Variants in C14orf93 observed in about 807,000 individuals in gnomAD.
The protein encoded by C14orf93 is chromosome 14 open reading frame 93.
C14orf93 carries 23 observed loss-of-function variants against 44.0 expected under a neutral mutation model. The observed-to-expected ratio is 0.52, with a 90% CI of 0.38 to 0.74. C14orf93 has a LOEUF of 0.74. C14orf93 is among the 30% of genes least tolerant of loss of function. C14orf93 has a pLI of 0.00. For synonymous variants in C14orf93, 253 were observed against 265.7 expected (o/e 0.95, Z 0.46); for missense variants, 579 against 678.9 (o/e 0.85, Z 1.64).
At chr14:23,007,341 C>A (rs1160107847) in intron 1 of C14orf93, among the ~76,000 whole-genome samples, 2 of 152,232 alleles carry the variant, frequency 1.3e-5, no homozygotes, top group Non-Finnish European at 2.9e-5. Context: ...GGCCGTCAGA[C>A]GCCATCTTTA....
chr14:23,003,956 C>T (rs1440738324), intron 1 of C14orf93, among the ~76,000 whole-genome samples: 1 of 110,624 alleles, frequency 9.0e-6, no homozygotes, highest in Non-Finnish European at 1.7e-5. Flanking sequence ...GTCGCCCAGG[C>T]TAGAGTGTGG....
Position 22,985,927 on chromosome 14 carries a change from C to T in C14orf93, c.*1288G>A, listed in dbSNP as rs896005321. On this transcript the variant is annotated 3_prime_UTR_variant, in exon 7 of 7. Coordinates refer to ENST00000299088, the MANE Select transcript of C14orf93 (RefSeq NM_021944.4). ...GGGACTGCCTGTAGGCAAAACCTGTCGTTTTATTTCCCTGCTAAAACAAAC... is the reference window on the plus strand; with the variant it reads ...GGGACTGCCTGTAGGCAAAACCTGTTGTTTTATTTCCCTGCTAAAACAAAC... 4 of 152,220 alleles carry T rather than the reference C, an allele frequency of 2.6e-5. No homozygotes were observed. The highest frequency in any genetic ancestry group is 2.1e-4 in the South Asian group (1 of 4,834). 9.4% of individuals were successfully genotyped at this position (152,220 alleles called of 1,614,324 possible).
At chr14:23,008,686 G>A (rs1594698290) in intron 1 of C14orf93, among the ~76,000 whole-genome samples, 1 of 152,316 alleles carries the variant, frequency 6.6e-6, no homozygotes, top group South Asian at 2.1e-4. Flanking sequence ...ACAGAATGAA[G>A]TGAAAATAGG....
At chr14:22,992,034 G>T (rs2045670050) in intron 3 of C14orf93, among the ~76,000 whole-genome samples, 1 of 152,228 alleles carries the variant, frequency 6.6e-6, no homozygotes, top group Non-Finnish European at 1.5e-5. Context: ...GGAAAAGACC[G>T]TGGAGGCTAT....
chr14:22,999,801 C>T (rs2046203379), intron 1 of C14orf93, among the ~76,000 whole-genome samples: 1 of 152,144 alleles, frequency 6.6e-6, no homozygotes. Flanking sequence ...GGAATACATC[C>T]ATCACTGCAG....
intron 1 of C14orf93, chr14:23,000,991 A>C (rs2046264254): frequency 6.6e-6 from 1 of 152,364 alleles, no homozygotes; most frequent in Non-Finnish European, 1.5e-5. Flanking sequence ...ATACATTTAC[A>C]GCTTCCTTGT....
intron 1 of C14orf93, among the ~76,000 whole-genome samples, chr14:23,001,839 TAAAAAAAAAAAAAAAAA>T (rs780256403): frequency 1.7e-5 from 1 of 59,552 alleles, no homozygotes; most frequent in Non-Finnish European, 2.9e-5. Context: ...TACTGCAGGT[TAAAAAAAAAAAAAAAAA>T]AAAAAAAAAA....
chr14:23,006,961 CGA>C (rs1250348043), intron 1 of C14orf93: 7 of 152,332 alleles, frequency 4.6e-5, no homozygotes. Context: ...TACGTAGCCC[CGA>C]GAGCTTTGAG....
intron 3 of C14orf93, among the ~76,000 whole-genome samples, chr14:22,994,588 C>T (rs1305019123): frequency 1.3e-5 from 2 of 151,710 alleles, no homozygotes; most frequent in Non-Finnish European, 2.9e-5. Context: ...ATAAGCCAGG[C>T]ATGGTGGTGC....
chr14:22,992,918 T>C (rs1413068909), intron 3 of C14orf93, among the ~76,000 whole-genome samples: 1 of 150,638 alleles, frequency 6.6e-6, no homozygotes, highest in African/African-American at 2.4e-5. Context: ...CTTGCTCTGT[T>C]GTCCAGGCTA....
At chr14:23,001,172 C>G (rs2046273115) in intron 1 of C14orf93, 1 of 145,596 alleles carries the variant, frequency 6.9e-6, no homozygotes, top group African/African-American at 2.8e-5. Flanking sequence ...AGAGCTTTTT[C>G]TTTTTAATTC....
intron 3 of C14orf93, among the ~76,000 whole-genome samples, chr14:22,991,860 G>A (rs535079135): frequency 1.2e-4 from 19 of 152,090 alleles, no homozygotes; most frequent in South Asian, 4.2e-4. Flanking sequence ...ATGAGCCACC[G>A]TGCCTGGCCA....
chr14:22,989,949 C>A, intron 4 of C14orf93, 104 bp from the exon 5 acceptor site: 1 of 1,412,360 alleles, frequency 7.1e-7, no homozygotes, highest in South Asian at 1.2e-5. Context: ...CCTCCACAGC[C>A]TAAGAAGGTA....
Position 22,999,137 on chromosome 14 carries a change from C to A in C14orf93, c.-114G>T. ...CTCAATGAGGATGGTCAGAGGAGCC[C>A]AGGCCCCAAGCTGTAGGGTCTGTGA... On this transcript the variant is annotated 5_prime_UTR_variant, in exon 2 of 7. Transcript: ENST00000299088. The A allele has an allele frequency of 1.4e-6, 2 of 1,473,398 alleles. No individual in the cohort carries two copies. Among genetic ancestry groups the A allele is most frequent in the South Asian group, 1.4e-5 (1 of 74,036 alleles). 91.3% of individuals were successfully genotyped at this position (1,473,398 alleles called of 1,614,324 possible).
At chr14:22,989,914 G>A (rs2045489507) in intron 4 of C14orf93, 69 bp from the exon 5 acceptor site, 6 of 1,477,244 alleles carry the variant, frequency 4.1e-6, no homozygotes, top group Non-Finnish European at 5.7e-6. Context: ...GAGATACCCA[G>A]CACTAATCAA....
At chr14:23,003,581 T>C (rs1477416938) in intron 1 of C14orf93, among the ~76,000 whole-genome samples, 1 of 151,928 alleles carries the variant, frequency 6.6e-6, no homozygotes, top group Non-Finnish European at 1.5e-5. Flanking sequence ...CTGAGGTCAG[T>C]TCGAGACCAG....
chr14:23,009,846 T>TA (rs1015082410), intron 1 of C14orf93, among the ~76,000 whole-genome samples: 11 of 151,288 alleles, frequency 7.3e-5, no homozygotes, highest in African/African-American at 1.9e-4. Context: ...AAATGTGATT[T>TA]AAAAAAAAGA....
rs1410926879 is a variant in C14orf93, at chr14:22,996,425, A to G, written c.598-157T>C. ...AATGGCTTGTTTCTCTGGGACTCCT[A>G]TGAGTGTTGGGCAAATATTTCTTGT... On this transcript the variant is annotated intron_variant, in intron 2 of 6. Coordinates refer to ENST00000299088, the MANE Select transcript of C14orf93 (RefSeq NM_021944.4). This position sits in a 1 kb window ranked among gnomAD's most constrained non-coding sequence, Gnocchi z 4.1. Among the ~76,000 whole-genome samples, 1 of 152,192 alleles carries G rather than the reference A, an allele frequency of 6.6e-6. No individual in the cohort carries two copies. The highest frequency in any genetic ancestry group is 2.4e-5 in the African/African-American group (1 of 41,440).
In C14orf93 at chr14:23,001,557, C is replaced by T. The variant is rs1028563929; in HGVS notation, c.-379-2155G>A. On this transcript the variant is annotated intron_variant, in intron 1 of 6. Coordinates refer to ENST00000299088, the MANE Select transcript of C14orf93 (RefSeq NM_021944.4). ...TCGGCTCACTGCAAGCTCTGCCTCC[C>T]AGGTTCAAGTGATTCTCCTGCCTCA... is the stretch of plus-strand genomic sequence containing the variant. Among the ~76,000 whole-genome samples, 65 of 152,080 alleles carry T rather than the reference C, an allele frequency of 4.3e-4. 2 individuals carry two copies. The highest frequency in any genetic ancestry group is 1.0e-4 in the Non-Finnish European group (7 of 68,002).
Sources: allele counts gnomAD v4.1 joint callset (sites outside exome capture counted in the v4.1 genomes callset), GRCh38; gene constraint gnomAD v4.1.1; non-coding constraint Gnocchi (gnomAD v3.1); transcripts MANE v1.5; gene names NCBI Gene and HGNC (gene_info 2026-07-23, HGNC 2026-07-21).